MAGI1: variants seen among roughly 807,000 people sequenced by gnomAD.
The protein encoded by MAGI1 is membrane associated guanylate kinase, WW and PDZ domain containing 1, also known as membrane-associated guanylate kinase, WW and PDZ domain-containing protein 1.
In MAGI1, 58 loss-of-function variants were observed where a neutral mutation model predicts 139.9. That is an observed-to-expected ratio of 0.41 (90% CI 0.34 to 0.52). The LOEUF (loss-of-function observed/expected upper bound fraction) is 0.52. Among genes scored for constraint, MAGI1 ranks in the 20% least tolerant of loss-of-function variants. MAGI1 has a pLI of 0.12. For synonymous variants in MAGI1, 812 were observed against 737.9 expected, an observed-to-expected ratio of 1.10 and a Z score of -1.63; for missense variants, 1,874 against 1,901.6, an observed-to-expected ratio of 0.99 and a Z score of 0.27.
At chr3:65,953,139 A>T (rs2063947051) in intron 1 of MAGI1, among the ~76,000 whole-genome samples, 1 of 152,180 alleles carries the variant, frequency 6.6e-6, no homozygotes, top group Non-Finnish European at 1.5e-5. Context: ...TGCCAAACGA[A>T]AACAAGCAAC....
chr3:65,403,929 T>C (rs745653533), intron 12 of MAGI1, among the ~76,000 whole-genome samples: 1 of 152,216 alleles, frequency 6.6e-6, no homozygotes, highest in African/African-American at 2.4e-5. Context: ...CCTACAAAGC[T>C]AGGTTAAAAG....
At chr3:65,920,190 C>T (rs2062108117) in intron 1 of MAGI1, among the ~76,000 whole-genome samples, 1 of 152,162 alleles carries the variant, frequency 6.6e-6, no homozygotes, top group Admixed American at 6.5e-5. Flanking sequence ...TTCATTTACA[C>T]ATATTAGCCA....
chr3:65,487,853 G>A (rs148558818), intron 3 of MAGI1, among the ~76,000 whole-genome samples: 2,833 of 152,276 alleles, frequency 0.019, 79 homozygotes, highest in African/African-American at 0.065. Flanking sequence ...TGTTGAGCAG[G>A]TCCTCAACCT....
chr3:65,383,864 G>A (rs1029361453), intron 14 of MAGI1, among the ~76,000 whole-genome samples: 4 of 152,158 alleles, frequency 2.6e-5, no homozygotes, highest in Non-Finnish European at 4.4e-5. Flanking sequence ...TGATAATTCC[G>A]AATCAAGCCC....
At chr3:65,416,881 G>A (rs937824264) in intron 12 of MAGI1, among the ~76,000 whole-genome samples, 2 of 152,102 alleles carry the variant, frequency 1.3e-5, no homozygotes, top group Admixed American at 6.6e-5. Context: ...ACAAACAAAG[G>A]AAATACCAGG....
At chr3:66,037,944 C>A in intron 1 of MAGI1, 52 bp downstream of exon 1, 8 of 1,516,886 alleles carry the variant, frequency 5.3e-6, no homozygotes, top group Non-Finnish European at 7.1e-6. Flanking sequence ...GGGCAGCCCA[C>A]AGACCACCCT....
Position 65,395,636 on chromosome 3 carries a change from C to CAAAAAAAAAAAAAAAAAAAAAA in MAGI1, c.2200-4279_2200-4278insTTTTTTTTTTTTTTTTTTTTTT, listed in dbSNP as rs58806140. Among the ~76,000 whole-genome samples the CAAAAAAAAAAAAAAAAAAAAAA allele has an allele frequency of 1.2e-3, 23 of 19,174 alleles. 6 individuals are homozygous for CAAAAAAAAAAAAAAAAAAAAAA. The highest frequency in any genetic ancestry group is 2.5e-3 in the Admixed American group (4 of 1,580). The allele number at this position is 19,174 out of a possible 152,430, so 12.6% of individuals were successfully genotyped here. A position where few individuals can be genotyped will look rare whatever the true frequency, so the allele number is the denominator to read the frequency against. On this transcript the variant is annotated intron_variant, in intron 13 of 22. Coordinates refer to ENST00000402939, the MANE Select transcript of MAGI1 (RefSeq NM_001033057.2). ...TGGGTGACAGAGCGAGACTCCATCTCAAAAAAAAAAAAAAAAAAAAAGAGG... is the reference window on the plus strand; with the variant it reads ...TGGGTGACAGAGCGAGACTCCATCTCAAAAAAAAAAAAAAAAAAAAAAAAAAAAAAAAAAAAAAAAAAAGAGG...
At chr3:65,803,311 A>G (rs972878124) in intron 1 of MAGI1, among the ~76,000 whole-genome samples, 2 of 152,198 alleles carry the variant, frequency 1.3e-5, no homozygotes, top group Non-Finnish European at 2.9e-5. Flanking sequence ...GAGATTGTAC[A>G]TATGAAAAAA....
At chr3:65,970,184 A>T (rs1293207644) in intron 1 of MAGI1, among the ~76,000 whole-genome samples, 1 of 152,244 alleles carries the variant, frequency 6.6e-6, no homozygotes, top group Non-Finnish European at 1.5e-5. Context: ...ATTTTGACAC[A>T]TGCTACAACG....
chr3:65,890,135 T>C (rs1984820), intron 1 of MAGI1, among the ~76,000 whole-genome samples: 25,751 of 149,198 alleles, frequency 0.17, 5,162 homozygotes, highest in African/African-American at 0.5. Flanking sequence ...GGAGGCCGAG[T>C]GGACGGATCA....
At chr3:66,031,600 T>C (rs561194276) in intron 1 of MAGI1, among the ~76,000 whole-genome samples, 2 of 152,158 alleles carry the variant, frequency 1.3e-5, no homozygotes, top group Admixed American at 6.5e-5. Flanking sequence ...ACCTGTACAG[T>C]GTTCCACAGT....
intron 1 of MAGI1, among the ~76,000 whole-genome samples, chr3:66,004,833 G>C (rs1404097733): frequency 6.6e-6 from 1 of 152,168 alleles, no homozygotes; most frequent in African/African-American, 2.4e-5. Context: ...AAGATCACAG[G>C]AGAGAGCTAG....
At chr3:65,893,542 T>C (rs932354916) in intron 1 of MAGI1, among the ~76,000 whole-genome samples, 11 of 152,090 alleles carry the variant, frequency 7.2e-5, no homozygotes, top group African/African-American at 2.4e-4. Context: ...AATCACTAAT[T>C]CTCATCAGAA....
At chr3:65,971,159 T>C (rs1458680536) in intron 1 of MAGI1, among the ~76,000 whole-genome samples, 1 of 152,196 alleles carries the variant, frequency 6.6e-6, no homozygotes, top group East Asian at 1.9e-4. Flanking sequence ...GCCAAGATTG[T>C]GCCACTGCAC....
chr3:65,594,891 A>C (rs2082114491), intron 2 of MAGI1, among the ~76,000 whole-genome samples: 1 of 152,164 alleles, frequency 6.6e-6, no homozygotes, highest in Admixed American at 6.5e-5. Context: ...GTGTCTCCCA[A>C]ATTCTATTCC....
intron 1 of MAGI1, among the ~76,000 whole-genome samples, chr3:65,698,582 AC>A: frequency 6.6e-6 from 1 of 152,126 alleles, no homozygotes; most frequent in East Asian, 1.9e-4. Context: ...CATATCTACA[AC>A]TATCTGATCT....
chr3:65,993,505 A>G (rs1192465842), intron 1 of MAGI1, among the ~76,000 whole-genome samples: 2 of 152,184 alleles, frequency 1.3e-5, no homozygotes, highest in African/African-American at 4.8e-5. Context: ...TCATTCAACA[A>G]ATAGTTATGG....
chr3:65,897,491 T>A (rs371936908), intron 1 of MAGI1, among the ~76,000 whole-genome samples: 51 of 151,986 alleles, frequency 3.4e-4, no homozygotes, highest in African/African-American at 1.2e-3. Context: ...AGGGGCGGAA[T>A]AGCATTAGGA....
At position 65,439,481 on chromosome 3, in the gene MAGI1, T is replaced by C. The variant is rs144549881; in HGVS notation, c.1270+398A>G. On this transcript the variant is annotated intron_variant, in intron 9 of 22. Coordinates refer to ENST00000402939, the MANE Select transcript of MAGI1 (RefSeq NM_001033057.2). ...CAAAACTACCAGCTCTTTCTGATTC[T>C]TTACATGTAATGTTCCTAAAATTAA... 2.6e-4 allele frequency among the ~76,000 whole-genome samples: 39 copies of C among 152,282 alleles called. No individual in the cohort carries two copies. The East Asian group carries it at 7.4e-3, about 29-fold the overall frequency.
Sources: gnomAD v4.1 joint callset for allele counts (sites outside exome capture counted in the v4.1 genomes callset) on GRCh38, gnomAD v4.1.1 for gene constraint, MANE v1.5 for transcripts, NCBI Gene and HGNC (gene_info 2026-07-23, HGNC 2026-07-21) for gene names.